The following CNBD1 variants were observed in gnomAD, a reference collection of about 807,000 sequenced individuals.
CNBD1 encodes the protein cyclic nucleotide-binding domain-containing protein 1.
In CNBD1, 71 loss-of-function variants were observed where a neutral mutation model predicts 54.4. The observed-to-expected ratio is 1.30, with a 90% CI of 1.08 to 1.59. CNBD1 has a LOEUF of 1.59. Among genes scored for constraint, CNBD1 ranks in the 40% most tolerant of loss-of-function variants. The pLI is 0.00. For missense variants in CNBD1, 659 were observed against 518.0 expected (o/e 1.27, Z -2.64); for synonymous variants, 182 against 170.7 (o/e 1.07, Z -0.51).
rs565495158 is a variant in CNBD1, at chr8:87,281,441, A to G, written c.772-3237A>G. On this transcript the variant is annotated intron_variant, in intron 6 of 10. Coordinates refer to ENST00000518476, the MANE Select transcript of CNBD1 (RefSeq NM_173538.3). ...CGCTGGCATTTAAACAACTACATAC[A>G]CATATGGATTACTGTTTTTCTAACT... is the stretch of plus-strand genomic sequence containing the variant. Among the ~76,000 whole-genome samples, 12 of 150,582 alleles carry G rather than the reference A, an allele frequency of 8.0e-5. No homozygotes were observed. The South Asian group carries it at 2.5e-3, about 31-fold the overall frequency.
intron 4 of CNBD1, among the ~76,000 whole-genome samples, chr8:87,174,209 C>T (rs895125299): frequency 3.3e-4 from 50 of 152,038 alleles, no homozygotes; most frequent in African/African-American, 1.1e-3. Flanking sequence ...CTGCCCGCCT[C>T]GGCCTCCCAA....
chr8:87,299,321 C>G (rs557733781), intron 8 of CNBD1, among the ~76,000 whole-genome samples: 6 of 152,120 alleles, frequency 3.9e-5, no homozygotes, highest in Non-Finnish European at 7.4e-5. Context: ...TCCCGACGGT[C>G]TTGTTTAGAT....
chr8:87,060,573 C>T (rs1445374194), intron 4 of CNBD1, among the ~76,000 whole-genome samples: 1 of 152,068 alleles, frequency 6.6e-6, no homozygotes, highest in Non-Finnish European at 1.5e-5. Flanking sequence ...AAATAACAGG[C>T]AGATTAGGCC....
rs894460034 is a variant in CNBD1 at position 86,916,711 on chromosome 8, A to AT, written c.272+11527dup. Among the ~76,000 whole-genome samples the AT allele has an allele frequency of 2.7e-3, 405 of 147,394 alleles. 2 individuals are homozygous for AT. The highest frequency in any genetic ancestry group is 8.6e-3 in the African/African-American group (344 of 40,168). On this transcript the variant is annotated intron_variant, in intron 3 of 10. Transcript: ENST00000518476. ...CTGCAACATTATTATTTTATTTTTT[A>AT]TTTTTTTTTTGAAATAGAATCTCAC...
intron 8 of CNBD1, among the ~76,000 whole-genome samples, chr8:87,330,169 A>G (rs1039225765): frequency 4.0e-5 from 6 of 149,600 alleles, no homozygotes; most frequent in Admixed American, 4.0e-4. Flanking sequence ...TTTAATGTTC[A>G]TAAGATCTGT....
chr8:87,138,914 T>C (rs186858725), intron 4 of CNBD1, among the ~76,000 whole-genome samples: 39 of 152,302 alleles, frequency 2.6e-4, no homozygotes, highest in African/African-American at 9.1e-4. Context: ...AACTATGATA[T>C]ATTTTAGGAG....
intron 4 of CNBD1, among the ~76,000 whole-genome samples, chr8:87,096,806 T>C (rs977934717): frequency 9.7e-6 from 1 of 103,026 alleles, no homozygotes; most frequent in Admixed American, 1.1e-4. Flanking sequence ...TTTCTTCCCT[T>C]TTTTTTTTTT....
In CNBD1 at chr8:87,405,625, G is replaced by T. The variant is rs1807639645; in HGVS notation, c.214-22921G>T. 2.0e-5 allele frequency among the ~76,000 whole-genome samples: 3 copies of T among 152,060 alleles called. No individual in the cohort carries two copies. The South Asian group carries it at 6.2e-4, about 31-fold the overall frequency. On this transcript the variant is annotated intron_variant, in intron 2 of 7. Transcript: ENST00000521593. ...TGAGTGAAAAACTACAAGGGTGATG[G>T]TCTGCAAGAGTAACACATGGAAGGA...
At chr8:87,061,467 A>C (rs1468962421) in intron 4 of CNBD1, among the ~76,000 whole-genome samples, 2 of 152,202 alleles carry the variant, frequency 1.3e-5, no homozygotes, top group Non-Finnish European at 2.9e-5. Flanking sequence ...ATAAAGATTC[A>C]ATCCTCTGTC....
At chr8:86,916,479 T>C (rs1809187023) in intron 3 of CNBD1, among the ~76,000 whole-genome samples, 1 of 152,040 alleles carries the variant, frequency 6.6e-6, no homozygotes, top group African/African-American at 2.4e-5. Flanking sequence ...TTTACTAGAG[T>C]TGTATGCGTG....
intron 2 of CNBD1, among the ~76,000 whole-genome samples, chr8:87,418,785 T>C (rs1410921470): frequency 2.0e-5 from 3 of 151,840 alleles, no homozygotes; most frequent in Non-Finnish European, 4.4e-5. Flanking sequence ...GATATCAAAA[T>C]ATAAAATATA....
intron 10 of CNBD1, among the ~76,000 whole-genome samples, chr8:87,359,205 G>A (rs1810483131): frequency 6.6e-6 from 1 of 151,476 alleles, no homozygotes; most frequent in Non-Finnish European, 1.5e-5. Flanking sequence ...ATTTAGTAAT[G>A]TTTGTGTGTG....
At chr8:87,300,798 T>G (rs570034107) in intron 8 of CNBD1, among the ~76,000 whole-genome samples, 1 of 152,254 alleles carries the variant, frequency 6.6e-6, no homozygotes, top group Admixed American at 6.5e-5. Context: ...GATCTGAATT[T>G]TTTTGTGTAC....
At chr8:86,931,788 T>C (rs552295250) in intron 3 of CNBD1, among the ~76,000 whole-genome samples, 3 of 152,218 alleles carry the variant, frequency 2.0e-5, no homozygotes, top group Non-Finnish European at 4.4e-5. Context: ...TTAGGATCAA[T>C]TGACCCTCAA....
intron 2 of CNBD1, among the ~76,000 whole-genome samples, chr8:87,427,919 T>TA (rs1808076764): frequency 6.6e-6 from 1 of 152,144 alleles, no homozygotes; most frequent in Non-Finnish European, 1.5e-5. Flanking sequence ...GTCTCCTGGA[T>TA]CACAGACCTT....
chr8:86,916,362 A>T lies in CNBD1; in HGVS notation c.272+11168A>T, dbSNP rs571609387. On this transcript the variant is annotated intron_variant, in intron 3 of 10. Coordinates refer to ENST00000518476, the MANE Select transcript of CNBD1 (RefSeq NM_173538.3). ...TTGACTTGGGGTTTTATACGCTGGC[A>T]TACTTCTGGGGTCTTGCATTCCTTC... Among the ~76,000 whole-genome samples, 3 of 152,288 alleles carry T rather than the reference A, an allele frequency of 2.0e-5. No homozygotes were observed. The South Asian group carries it at 6.2e-4, about 32-fold the overall frequency.
chr8:87,246,117 A>T (rs986849598), intron 6 of CNBD1, among the ~76,000 whole-genome samples: 13 of 151,858 alleles, frequency 8.6e-5, no homozygotes, highest in Non-Finnish European at 1.5e-4. Context: ...GGGATTCTTT[A>T]CTCCTTTAAT....
At chr8:87,360,799 T>C (rs1272175962) in intron 10 of CNBD1, among the ~76,000 whole-genome samples, 1 of 151,958 alleles carries the variant, frequency 6.6e-6, no homozygotes, top group African/African-American at 2.4e-5. Context: ...CAAGGTGTTA[T>C]TGGTATAAAC....
intron 4 of CNBD1, among the ~76,000 whole-genome samples, chr8:87,135,033 T>G (rs1230358820): frequency 6.6e-6 from 1 of 152,148 alleles, no homozygotes. Flanking sequence ...AATACTTACT[T>G]TATACTTTCC....
Sources: gnomAD v4.1 joint callset for allele counts (sites outside exome capture counted in the v4.1 genomes callset) on GRCh38, gnomAD v4.1.1 for gene constraint, MANE v1.5 for transcripts, NCBI Gene and HGNC (gene_info 2026-07-23, HGNC 2026-07-21) for gene names.